Variants in CNTN4 observed in about 807,000 individuals in gnomAD.
CNTN4 encodes the protein contactin-4.
A neutral mutation model predicts 122.5 loss-of-function variants in CNTN4; 77 were observed. That is an observed-to-expected ratio of 0.63 (90% confidence interval 0.52 to 0.76). The LOEUF (loss-of-function observed/expected upper bound fraction) is 0.76. Among genes scored for constraint, CNTN4 ranks in the 30% least tolerant of loss-of-function variants. The probability of loss-of-function intolerance (pLI) is 0.00; values close to 1 mark genes in which losing one functional copy is unlikely to be tolerated. For missense variants in CNTN4, 1,256 were observed against 1,259.1 expected (o/e 1.00, Z 0.04); for synonymous variants, 512 against 447.0 (o/e 1.15, Z -1.83).
intron 3 of CNTN4, among the ~76,000 whole-genome samples, chr3:2,503,933 A>T (rs547853805): frequency 6.6e-6 from 1 of 152,096 alleles, no homozygotes; most frequent in African/African-American, 2.4e-5. Context: ...AGGATTTTTA[A>T]TAGGAGGACT....
chr3:2,280,810 A>G (rs1304707247), intron 2 of CNTN4, among the ~76,000 whole-genome samples: 2 of 152,176 alleles, frequency 1.3e-5, no homozygotes, highest in Admixed American at 1.3e-4. Flanking sequence ...CACCAGTTAA[A>G]TTAAGTTCCT....
At chr3:3,052,664 G>A (rs1451160506) in intron 23 of CNTN4, among the ~76,000 whole-genome samples, 5 of 152,162 alleles carry the variant, frequency 3.3e-5, no homozygotes, top group Non-Finnish European at 7.3e-5. Flanking sequence ...GTTTTTAGGA[G>A]GCTAGTTGGC....
At chr3:2,486,831 A>G (rs909731200) in intron 3 of CNTN4, among the ~76,000 whole-genome samples, 2 of 152,208 alleles carry the variant, frequency 1.3e-5, no homozygotes, top group Admixed American at 1.3e-4. Flanking sequence ...ATGGGCAAAA[A>G]TGGACCATTT....
chr3:2,988,291 A>G (rs752824338), intron 13 of CNTN4, 54 bp from the exon 14 acceptor site: 41 of 1,552,714 alleles, frequency 2.6e-5, no homozygotes, highest in South Asian at 7.8e-5. Context: ...CTAATTTGCA[A>G]TAGGTCATAT....
chr3:2,363,519 C>G (rs2045247232), intron 3 of CNTN4, among the ~76,000 whole-genome samples: 1 of 152,164 alleles, frequency 6.6e-6, no homozygotes, highest in African/African-American at 2.4e-5. Context: ...CATTTTTAAG[C>G]TATATAACAA....
chr3:2,247,291 T>A (rs1303203214), intron 2 of CNTN4, among the ~76,000 whole-genome samples: 3 of 152,006 alleles, frequency 2.0e-5, no homozygotes, highest in Admixed American at 2.0e-4. Flanking sequence ...TCAGATGCCA[T>A]AGTGTGTTTA....
intron 14 of CNTN4, among the ~76,000 whole-genome samples, chr3:3,016,727 A>G (rs9854410): frequency 0.47 from 71,643 of 151,968 alleles, 17,997 homozygotes; most frequent in Middle Eastern, 0.62. Flanking sequence ...CACCTGACTG[A>G]TTGTTTCCCA....
chr3:2,992,926 C>T (rs1311034121), intron 14 of CNTN4, among the ~76,000 whole-genome samples: 3 of 151,934 alleles, frequency 2.0e-5, no homozygotes, highest in Non-Finnish European at 4.4e-5. Context: ...CTCACTCCTA[C>T]CCTAACAAAT....
intron 4 of CNTN4, among the ~76,000 whole-genome samples, chr3:2,583,258 T>C (rs544773634): frequency 2.0e-5 from 3 of 152,338 alleles, no homozygotes; most frequent in South Asian, 2.1e-4. Context: ...GCAGCAGATA[T>C]GTTACTTCAA....
chr3:2,309,597 C>G (rs975097476), intron 2 of CNTN4, among the ~76,000 whole-genome samples: 3 of 152,070 alleles, frequency 2.0e-5, no homozygotes, highest in African/African-American at 7.2e-5. Flanking sequence ...AGGGAAATGA[C>G]AGATGTATTA....
chr3:2,483,625 A>G (rs1017684645), intron 3 of CNTN4, among the ~76,000 whole-genome samples: 1 of 152,106 alleles, frequency 6.6e-6, no homozygotes, highest in African/African-American at 2.4e-5. Context: ...CATGGGGGCC[A>G]TTTCCCCAAT....
At chr3:2,690,158 T>C (rs1192531752) in intron 4 of CNTN4, among the ~76,000 whole-genome samples, 1 of 152,206 alleles carries the variant, frequency 6.6e-6, no homozygotes, top group Non-Finnish European at 1.5e-5. Flanking sequence ...ATTTATATTC[T>C]ATTAGCAGGT....
At chr3:2,882,905 T>C (rs1169031226) in intron 8 of CNTN4, 3 of 442,690 alleles carry the variant, frequency 6.8e-6, no homozygotes, top group African/African-American at 6.0e-5. Flanking sequence ...GGCAAAGTTG[T>C]ATGCATGGAG....
intron 3 of CNTN4, among the ~76,000 whole-genome samples, chr3:2,443,683 C>T (rs2048518036): frequency 6.6e-6 from 1 of 152,146 alleles, no homozygotes; most frequent in Non-Finnish European, 1.5e-5. Context: ...ACCCAACACA[C>T]TGAACCTGCT....
At chr3:2,340,710 T>TATATATATATATATATAGAGAGAGAG in intron 3 of CNTN4, among the ~76,000 whole-genome samples, 30 of 18,296 alleles carry the variant, frequency 1.6e-3, no homozygotes, top group Non-Finnish European at 2.6e-3. Context: ...TATATATATA[T>TATATATATATATATATAGAGAGAGAG]AGAGAGAGAG....
chr3:2,241,787 A>C (rs1267043494), intron 2 of CNTN4, among the ~76,000 whole-genome samples: 1 of 152,146 alleles, frequency 6.6e-6, no homozygotes, highest in Non-Finnish European at 1.5e-5. Flanking sequence ...TGTTCAGTTG[A>C]ATTATTTTCT....
chr3:2,389,705 G>A (rs942943684), intron 3 of CNTN4, among the ~76,000 whole-genome samples: 15 of 152,130 alleles, frequency 9.9e-5, no homozygotes, highest in Admixed American at 3.9e-4. Flanking sequence ...GGGAAGAACA[G>A]GAACTTTACA....
intron 6 of CNTN4, among the ~76,000 whole-genome samples, chr3:2,761,347 T>C (rs2090580270): frequency 6.6e-6 from 1 of 152,110 alleles, no homozygotes; most frequent in African/African-American, 2.4e-5. Flanking sequence ...CTTCATCTAT[T>C]GAATGGACAT....
rs961445808 is a variant in CNTN4, at chr3:3,012,642, G to A, written c.1487-13460G>A. Among the ~76,000 whole-genome samples the A allele has an allele frequency of 2.0e-5, 3 of 151,910 alleles. No individual in the cohort carries two copies. In the South Asian group the frequency reaches 6.2e-4, roughly 32 times the overall value. On this transcript the variant is annotated intron_variant, in intron 14 of 24. Coordinates refer to ENST00000418658, the MANE Select transcript of CNTN4 (RefSeq NM_175607.3). ...TTTTTTGTATTTTTAGTAGAGACAG[G>A]GTTTCACTATGTTGGCCAGACTTCT...
Sources: allele counts gnomAD v4.1 joint callset (sites outside exome capture counted in the v4.1 genomes callset), GRCh38; gene constraint gnomAD v4.1.1; transcripts MANE v1.5; gene names NCBI Gene and HGNC (gene_info 2026-07-23, HGNC 2026-07-21).